PCDH11X: variants seen among roughly 807,000 people sequenced by gnomAD.
PCDH11X encodes protocadherin 11 X-linked, also known as protocadherin-11 X-linked.
Under a neutral mutation model 53.3 loss-of-function variants are expected in PCDH11X, and 18 were observed. The ratio of observed to expected loss-of-function variants is 0.34; its 90% CI spans 0.23 to 0.50. The LOEUF is 0.50. PCDH11X is among the 20% of genes least tolerant of loss of function. The pLI, the probability that PCDH11X is intolerant of heterozygous loss-of-function variation, is 0.98. For missense variants in PCDH11X, 570 were observed against 1,032.4 expected (o/e 0.55, Z 6.14); for synonymous variants, 279 against 393.3 (o/e 0.71, Z 3.44).
chrX:92,484,271 GTATGTATATA>G lies in PCDH11X; in HGVS notation c.3367+15965_3367+15974del, dbSNP rs201633543. ...TATGTATATTTATACATATATATGT[GTATGTATATA>G]TATGTATATATATGTGTGTGTATAT... is the stretch of plus-strand genomic sequence containing the variant. On this transcript the variant is annotated intron_variant, in intron 10 of 10. Coordinates refer to ENST00000682573, the MANE Select transcript of PCDH11X (RefSeq NM_032968.5). 9.7e-3 allele frequency among the ~76,000 whole-genome samples: 962 copies of G among 99,139 alleles called. 5 individuals carry two copies. The highest frequency in any genetic ancestry group is 0.012 in the Non-Finnish European group (580 of 50,221). The allele number at this position is 99,139 out of a possible 115,157, so 86.1% of individuals were successfully genotyped here.
At chrX:91,956,346 G>A (rs1192576499) in intron 6 of PCDH11X, among the ~76,000 whole-genome samples, 1 of 111,682 alleles carries the variant, frequency 9.0e-6, no homozygotes, top group Non-Finnish European at 1.9e-5. Context: ...GCTTCATAGT[G>A]TCACTAGTCT....
intron 6 of PCDH11X, among the ~76,000 whole-genome samples, chrX:92,189,908 G>T (rs1183260651): frequency 9.0e-6 from 1 of 111,096 alleles, no homozygotes; most frequent in East Asian, 2.8e-4. Context: ...TTCTTAATGG[G>T]GTTGTTTGTT....
At chrX:91,823,057 G>C (rs1485414441) in intron 4 of PCDH11X, among the ~76,000 whole-genome samples, 2 of 108,403 alleles carry the variant, frequency 1.8e-5, no homozygotes, top group Non-Finnish European at 3.8e-5. Context: ...TATAATTTCT[G>C]TTCTTTTACA....
intron 8 of PCDH11X, among the ~76,000 whole-genome samples, chrX:92,284,804 CAGAAGCATCTAAAA>C (rs1360772935): frequency 2.7e-5 from 3 of 111,822 alleles, no homozygotes; most frequent in Non-Finnish European, 5.6e-5. Flanking sequence ...GGCTTTGTTG[CAGAAGCATCTAAAA>C]ATGAGCTGGA....
chrX:91,888,395 G>A (rs1940330753), intron 6 of PCDH11X, among the ~76,000 whole-genome samples: 2 of 112,079 alleles, frequency 1.8e-5, no homozygotes, highest in South Asian at 3.7e-4. Context: ...TCTCATGCCT[G>A]TAATCCCAGC....
At chrX:92,016,825 C>A (rs1037526695) in intron 6 of PCDH11X, among the ~76,000 whole-genome samples, 7 of 111,109 alleles carry the variant, frequency 6.3e-5, no homozygotes, top group Non-Finnish European at 1.3e-4. Context: ...TTTGCATTAA[C>A]AACGTGGCTA....
At chrX:91,881,967 A>G in intron 6 of PCDH11X, among the ~76,000 whole-genome samples, 1 of 111,176 alleles carries the variant, frequency 9.0e-6, no homozygotes, top group Non-Finnish European at 1.9e-5. Context: ...GGAAAATAAA[A>G]TGTTCTAGTA....
At chrX:92,484,155 A>G (rs1357272026) in intron 10 of PCDH11X, among the ~76,000 whole-genome samples, 3 of 42,973 alleles carry the variant, frequency 7.0e-5, no homozygotes, top group African/African-American at 2.2e-4. Flanking sequence ...ATATATGTAT[A>G]TATGTATATA....
chrX:92,078,123 A>T lies in PCDH11X; in HGVS notation c.3034-123252A>T, dbSNP rs769470451. On this transcript the variant is annotated intron_variant, in intron 6 of 10. Coordinates refer to ENST00000682573, the MANE Select transcript of PCDH11X (RefSeq NM_032968.5). ...CTGCGTACCTGTTATCACCAGTTAT[A>T]AAAAAAAATTGTCTCTTTATTGAAA... Among the ~76,000 whole-genome samples the T allele has an allele frequency of 3.7e-5, 4 of 108,585 alleles. No homozygotes were observed. The South Asian group carries it at 1.2e-3, about 33-fold the overall frequency. 94.3% of individuals were successfully genotyped at this position (108,585 alleles called of 115,157 possible).
At chrX:92,249,640 A>G (rs2067419755) in intron 7 of PCDH11X, among the ~76,000 whole-genome samples, 1 of 112,207 alleles carries the variant, frequency 8.9e-6, no homozygotes, top group East Asian at 2.8e-4. Context: ...TCCTGCTAAG[A>G]AGCTGGGAAT....
At chrX:91,981,691 A>C (rs2062141467) in intron 6 of PCDH11X, among the ~76,000 whole-genome samples, 1 of 110,455 alleles carries the variant, frequency 9.1e-6, no homozygotes, top group Admixed American at 9.7e-5. Context: ...GGGAAGCCTC[A>C]CAATCATAGT....
At chrX:92,167,201 G>C in intron 6 of PCDH11X, among the ~76,000 whole-genome samples, 1 of 110,628 alleles carries the variant, frequency 9.0e-6, no homozygotes, top group East Asian at 2.8e-4. Flanking sequence ...TTATCTAAAA[G>C]CTATAAAACT....
intron 9 of PCDH11X, among the ~76,000 whole-genome samples, chrX:92,432,428 G>A (rs1163276736): frequency 9.1e-6 from 1 of 110,203 alleles, no homozygotes; most frequent in Admixed American, 9.8e-5. Flanking sequence ...AGATATGAGT[G>A]ACATCAAAAC....
At chrX:92,456,804 C>T (rs1156838782) in intron 9 of PCDH11X, among the ~76,000 whole-genome samples, 1 of 109,762 alleles carries the variant, frequency 9.1e-6, no homozygotes, top group African/African-American at 3.3e-5. Context: ...GCTTTTTATG[C>T]TTTGTTCTTT....
intron 5 of PCDH11X, among the ~76,000 whole-genome samples, chrX:91,854,653 G>T (rs1315031299): frequency 1.8e-5 from 2 of 111,880 alleles, no homozygotes; most frequent in Admixed American, 1.9e-4. Context: ...CCACATCGTT[G>T]CCAACATTTG....
intron 8 of PCDH11X, among the ~76,000 whole-genome samples, chrX:92,355,255 G>A (rs1276869584): frequency 1.3e-5 from 1 of 79,482 alleles, no homozygotes; most frequent in Non-Finnish European, 2.2e-5. Flanking sequence ...GTGAAACCCC[G>A]TCTCTACTAA....
chrX:92,031,682 G>C (rs1342110259), intron 6 of PCDH11X, among the ~76,000 whole-genome samples: 1 of 111,321 alleles, frequency 9.0e-6, no homozygotes. Flanking sequence ...CAGGGATCTA[G>C]TTTCATTCTT....
chrX:92,068,563 G>T (rs1002713538), intron 6 of PCDH11X, among the ~76,000 whole-genome samples: 1 of 110,026 alleles, frequency 9.1e-6, no homozygotes, highest in Non-Finnish European at 1.9e-5. Flanking sequence ...TTATTAAGAT[G>T]GAGTCTCACT....
intron 6 of PCDH11X, among the ~76,000 whole-genome samples, chrX:92,050,504 C>T (rs374809192): frequency 9.4e-6 from 1 of 106,762 alleles, no homozygotes; most frequent in Non-Finnish European, 1.9e-5. Context: ...GGAGCTAGAC[C>T]GTCTGGGTTC....
Sources: allele counts gnomAD v4.1 joint callset (sites outside exome capture counted in the v4.1 genomes callset), GRCh38; gene constraint gnomAD v4.1.1; transcripts MANE v1.5; gene names NCBI Gene and HGNC (gene_info 2026-07-23, HGNC 2026-07-21).